Variants in ATP6V0D1 observed in about 807,000 individuals in gnomAD.
ATP6V0D1 encodes the protein V-type proton ATPase subunit d 1.
A neutral mutation model predicts 39.0 loss-of-function variants in ATP6V0D1; 13 were observed. The ratio of observed to expected loss-of-function variants is 0.33; its 90% CI spans 0.22 to 0.53. The LOEUF (loss-of-function observed/expected upper bound fraction) is 0.53. Ranked by LOEUF, ATP6V0D1 falls within the 20% of genes least tolerant of loss-of-function variation. The pLI is 0.94. For missense variants in ATP6V0D1, 272 were observed against 470.9 expected (o/e 0.58, Z 3.91); for synonymous variants, 191 against 191.2 (o/e 1.00, Z 0.01).
chr16:67,474,636 A>G (rs2041400566), intron 1 of ATP6V0D1, among the ~76,000 whole-genome samples: 1 of 152,180 alleles, frequency 6.6e-6, no homozygotes, highest in South Asian at 2.1e-4. Context: ...CCTGTGATCA[A>G]CTGAAGTGCT....
At chr16:67,441,568 A>C (rs1001954012) in intron 4 of ATP6V0D1, 1 of 152,282 alleles carries the variant, frequency 6.6e-6, no homozygotes, top group African/African-American at 2.4e-5. Flanking sequence ...ACACACACAC[A>C]AACACACACG....
At position 67,459,025 on chromosome 16, in the gene ATP6V0D1, T is replaced by C. The variant is rs1043251201; in HGVS notation, c.131-5310A>G. The C allele has an allele frequency of 3.4e-5, 33 of 980,296 alleles. No homozygotes were observed. In the African/African-American group the frequency reaches 4.9e-4, roughly 15 times the overall value. The allele number at this position is 980,296 out of a possible 1,614,324, so 60.7% of individuals were successfully genotyped here. A position where few individuals can be genotyped will look rare whatever the true frequency, so the allele number is the denominator to read the frequency against. ...GCTGTCACCTTCACCCAGCAGTCCA[T>C]GTAGCCCTGAAGCTGGAGTTCTGCC... On this transcript the variant is annotated intron_variant, in intron 1 of 7. Transcript: ENST00000290949.
rs2041201222 is a variant in ATP6V0D1, at chr16:67,453,208, G to A, written c.302+336C>T. On this transcript the variant is annotated intron_variant, in intron 2 of 7. Transcript: ENST00000290949. The surrounding 1 kb of genome is among the most constrained non-coding windows in gnomAD (Gnocchi z 4.1). ...GGCTCCCACCTTCCCAGGTTTCCCT[G>A]CCCCAGTCTATGTGACTGGGGGAAG... Among the ~76,000 whole-genome samples the A allele has an allele frequency of 1.3e-5, 2 of 152,122 alleles. No individual in the cohort carries two copies. Among genetic ancestry groups the A allele is most frequent in the South Asian group, 2.1e-4 (1 of 4,798 alleles).
At chr16:67,465,178 T>C (rs1295134792) in intron 1 of ATP6V0D1, among the ~76,000 whole-genome samples, 1 of 152,200 alleles carries the variant, frequency 6.6e-6, no homozygotes, top group Non-Finnish European at 1.5e-5. Flanking sequence ...AGGAGCCCAA[T>C]GGAGAGGCCT....
intron 1 of ATP6V0D1, among the ~76,000 whole-genome samples, chr16:67,477,308 T>C (rs1317353260): frequency 6.6e-6 from 1 of 152,168 alleles, no homozygotes; most frequent in African/African-American, 2.4e-5. Context: ...TGCATCCCAA[T>C]TGAAACAAAT....
rs952914840 is a variant in ATP6V0D1 at position 67,447,651 on chromosome 16, C to A, written c.303-2945G>T. 6.6e-6 allele frequency among the ~76,000 whole-genome samples: 1 copy of A among 152,240 alleles called. No homozygotes were observed. The highest frequency in any genetic ancestry group is 2.4e-5 in the African/African-American group (1 of 41,456). On this transcript the variant is annotated intron_variant, in intron 2 of 7. Coordinates refer to ENST00000290949, the MANE Select transcript of ATP6V0D1 (RefSeq NM_004691.5). The surrounding 1 kb of genome is among the most constrained non-coding windows in gnomAD (Gnocchi z 4.1). ...CCGTCTGTATTCCTCTGCCCAGAGG[C>A]CCTCCCTTGCCCTGTGCCTTCAAAA...
At chr16:67,448,659 C>CAAA (rs34654965) in intron 2 of ATP6V0D1, among the ~76,000 whole-genome samples, 3 of 49,468 alleles carry the variant, frequency 6.1e-5, no homozygotes, top group African/African-American at 1.2e-4. Flanking sequence ...GACTCCAGCT[C>CAAA]AAAAAAAAAA....
At chr16:67,457,307 AG>A (rs982443238) in intron 1 of ATP6V0D1, 2 of 297,172 alleles carry the variant, frequency 6.7e-6, no homozygotes, top group African/African-American at 4.4e-5. Context: ...TGGGGCATAG[AG>A]GGGCTGGGAT....
chr16:67,449,440 A>G (rs190077936), intron 2 of ATP6V0D1, among the ~76,000 whole-genome samples: 11 of 152,334 alleles, frequency 7.2e-5, no homozygotes, highest in Non-Finnish European at 1.5e-5. Context: ...ACACCATCCC[A>G]AGTCCCACAG....
At chr16:67,463,716 C>T (rs1176122350) in intron 1 of ATP6V0D1, among the ~76,000 whole-genome samples, 1 of 152,272 alleles carries the variant, frequency 6.6e-6, no homozygotes, top group Non-Finnish European at 1.5e-5. Flanking sequence ...ATGGCAGAAG[C>T]AGTAACTATA....
intron 2 of ATP6V0D1, chr16:67,445,813 T>C: frequency 2.4e-6 from 1 of 420,870 alleles, no homozygotes; most frequent in East Asian, 7.1e-5. Flanking sequence ...TGTAGTCACC[T>C]GTGTGGGGAT....
chr16:67,481,012 G>A lies in ATP6V0D1; in HGVS notation c.75C>T (p.Ala25=). The A allele has an allele frequency of 6.2e-7, 1 of 1,614,176 alleles. No individual in the cohort carries two copies. The highest frequency in any genetic ancestry group is 1.3e-5 in the African/African-American group (1 of 75,074). Residue 25 remains alanine (A), a synonymous_variant, in exon 1 of 8, where the codon GCC becomes GCT. Transcript: ENST00000290949. ...GGTAGTCGGCCTGGCTGAGCACCCC[G>A]GCCTTCAGGCCGCGCACCAGTCCCT... The part of the protein sequence containing the change: ...YLEGLVRGLK[A]GVLSQADYLN...
rs1462755702 is a variant in ATP6V0D1, at chr16:67,459,000, G to A, written c.131-5285C>T. 7.4e-6 allele frequency: 7 copies of A among 950,430 alleles called. No individual in the cohort carries two copies. In the East Asian group the frequency reaches 3.5e-4, roughly 47 times the overall value. 58.9% of individuals were successfully genotyped at this position (950,430 alleles called of 1,614,324 possible). On this transcript the variant is annotated intron_variant, in intron 1 of 7. Coordinates refer to ENST00000290949, the MANE Select transcript of ATP6V0D1 (RefSeq NM_004691.5). ...TGAAGTCCTCCAAATTGAATGGTTC[G>A]CTGTCACCTTCACCCAGCAGTCCAT...
chr16:67,479,118 C>T (rs2041441231), intron 1 of ATP6V0D1, among the ~76,000 whole-genome samples: 1 of 152,100 alleles, frequency 6.6e-6, no homozygotes, highest in African/African-American at 2.4e-5. Flanking sequence ...TCCTAAAGTG[C>T]TCTCCTTCCC....
At chr16:67,457,304 T>C (rs748606325) in intron 1 of ATP6V0D1, 5 of 295,926 alleles carry the variant, frequency 1.7e-5, no homozygotes, top group East Asian at 1.8e-4. Context: ...AGTTGGGGCA[T>C]AGAGGGGCTG....
intron 1 of ATP6V0D1, among the ~76,000 whole-genome samples, chr16:67,461,091 C>G (rs2041286022): frequency 6.6e-6 from 1 of 152,242 alleles, no homozygotes; most frequent in Non-Finnish European, 1.5e-5. Flanking sequence ...GTCCATTTCT[C>G]CTGGCAGACA....
At chr16:67,448,276 CAGG>C (rs2041139663) in intron 2 of ATP6V0D1, among the ~76,000 whole-genome samples, 2 of 137,526 alleles carry the variant, frequency 1.5e-5, no homozygotes, top group Non-Finnish European at 3.0e-5. Flanking sequence ...CACTTGAGCC[CAGG>C]AGATCAAGGC....
chr16:67,469,443 A>C (rs916540782), intron 1 of ATP6V0D1, among the ~76,000 whole-genome samples: 1 of 152,238 alleles, frequency 6.6e-6, no homozygotes, highest in Non-Finnish European at 1.5e-5. Flanking sequence ...CAGCCAGTTA[A>C]GTGGTCACCT....
At chr16:67,472,483 G>A (rs1432683764) in intron 1 of ATP6V0D1, among the ~76,000 whole-genome samples, 1 of 152,180 alleles carries the variant, frequency 6.6e-6, no homozygotes, top group East Asian at 1.9e-4. Flanking sequence ...ATTTAGGACT[G>A]AGCTAAGCTC....
Sources: allele counts gnomAD v4.1 joint callset (sites outside exome capture counted in the v4.1 genomes callset), GRCh38; gene constraint gnomAD v4.1.1; non-coding constraint Gnocchi (gnomAD v3.1); transcripts MANE v1.5; gene names NCBI Gene and HGNC (gene_info 2026-07-23, HGNC 2026-07-21).